The following SNX29 variants were observed in gnomAD, a reference collection of about 807,000 sequenced individuals.
SNX29 encodes sorting nexin 29.
A neutral mutation model predicts 102.1 loss-of-function variants in SNX29; 78 were observed. The ratio of observed to expected loss-of-function variants is 0.76; its 90% CI spans 0.64 to 0.92. The LOEUF (loss-of-function observed/expected upper bound fraction) is 0.92. Among genes scored for constraint, SNX29 ranks in the 40% least tolerant of loss-of-function variants. The pLI is 0.00. For synonymous variants in SNX29, 580 were observed against 414.5 expected (o/e 1.40, Z -4.85); for missense variants, 1,280 against 1,061.7 (o/e 1.21, Z -2.86).
chr16:12,547,475 C>A (rs931912015), intron 20 of SNX29, among the ~76,000 whole-genome samples: 1 of 152,214 alleles, frequency 6.6e-6, no homozygotes, highest in East Asian at 1.9e-4. Flanking sequence ...GGGGTATTCT[C>A]AAAGTAGAAC....
At chr16:12,348,942 CA>C (rs2081911516) in intron 15 of SNX29, among the ~76,000 whole-genome samples, 1 of 152,170 alleles carries the variant, frequency 6.6e-6, no homozygotes, top group Non-Finnish European at 1.5e-5. Context: ...CCCACCCCTC[CA>C]CACTGTCACC....
rs1294175681 is a variant in SNX29 at position 12,570,985 on chromosome 16, T to A, written c.*2356T>A. ...CTGCCTGCTCCTGGTACCTCCCCCA[T>A]GATCATGCACAGACCGTAGAGTCGA... On this transcript the variant is annotated 3_prime_UTR_variant, in exon 21 of 21. Transcript: ENST00000566228. The A allele has an allele frequency of 1.7e-5, 4 of 232,320 alleles. No homozygotes were observed. In the East Asian group the frequency reaches 2.4e-4, roughly 14 times the overall value. The allele number at this position is 232,320 out of a possible 1,614,324, so 14.4% of individuals were successfully genotyped here. A position where few individuals can be genotyped will look rare whatever the true frequency, so the allele number is the denominator to read the frequency against.
At chr16:12,459,743 G>C (rs529902375) in intron 18 of SNX29, among the ~76,000 whole-genome samples, 1 of 152,272 alleles carries the variant, frequency 6.6e-6, no homozygotes, top group East Asian at 1.9e-4. Flanking sequence ...CCTTGGACTT[G>C]GGTGGCTTTC....
intron 16 of SNX29, among the ~76,000 whole-genome samples, chr16:12,380,793 CCACA>C: frequency 1.8e-5 from 2 of 111,630 alleles, no homozygotes; most frequent in African/African-American, 3.1e-5. Flanking sequence ...ACCCATCCAC[CCACA>C]CACCATCCAT....
rs973151757 is a variant in SNX29 at position 12,571,026 on chromosome 16, C to A, written c.*2397C>A. 2.1e-5 allele frequency: 5 copies of A among 232,660 alleles called. No homozygotes were observed. The highest frequency in any genetic ancestry group is 3.4e-5 in the Non-Finnish European group (4 of 117,750). The allele number at this position is 232,660 out of a possible 1,614,324, so 14.4% of individuals were successfully genotyped here. A position where few individuals can be genotyped will look rare whatever the true frequency, so the allele number is the denominator to read the frequency against. On this transcript the variant is annotated 3_prime_UTR_variant, in exon 21 of 21. Transcript: ENST00000566228. ...GTAGAGTCGAGTCATCTCGCAGATC[C>A]AGACCATCTCCTCTCATTCTCACTC... is the stretch of plus-strand genomic sequence containing the variant.
At chr16:12,335,691 G>T (rs2081426058) in intron 15 of SNX29, among the ~76,000 whole-genome samples, 1 of 152,106 alleles carries the variant, frequency 6.6e-6, no homozygotes, top group South Asian at 2.1e-4. Flanking sequence ...GGGGTTTGGG[G>T]GAAGCTGGTG....
At chr16:12,547,596 C>G (rs931723779) in intron 20 of SNX29, among the ~76,000 whole-genome samples, 2 of 152,112 alleles carry the variant, frequency 1.3e-5, no homozygotes, top group African/African-American at 4.8e-5. Context: ...AATACACCCC[C>G]ACGAAGTCAG....
At chr16:12,199,513 C>G in intron 13 of SNX29, 88 bp from the exon 14 acceptor site, 2 of 1,126,630 alleles carry the variant, frequency 1.8e-6, no homozygotes, top group Non-Finnish European at 2.6e-6. Flanking sequence ...TTTCTTTACA[C>G]AAATTCACCA....
intron 15 of SNX29, among the ~76,000 whole-genome samples, chr16:12,297,602 T>TA (rs2080025252): frequency 6.6e-6 from 1 of 152,030 alleles, no homozygotes; most frequent in Non-Finnish European, 1.5e-5. Context: ...ATCACAGAGT[T>TA]AAAAAATGAT....
intron 15 of SNX29, among the ~76,000 whole-genome samples, chr16:12,355,228 A>G (rs898887604): frequency 3.9e-5 from 6 of 152,188 alleles, no homozygotes; most frequent in Admixed American, 3.3e-4. Flanking sequence ...CCCTTCATAC[A>G]ACAACAAAAA....
chr16:12,551,132 C>T (rs2077950306), intron 20 of SNX29, among the ~76,000 whole-genome samples: 1 of 151,994 alleles, frequency 6.6e-6, no homozygotes, highest in South Asian at 2.1e-4. Context: ...AACAGTGGTC[C>T]ACAGCTGCCA....
At chr16:12,450,349 C>G (rs1302256740) in intron 18 of SNX29, among the ~76,000 whole-genome samples, 1 of 152,164 alleles carries the variant, frequency 6.6e-6, no homozygotes, top group Non-Finnish European at 1.5e-5. Context: ...TTTGTTTGGG[C>G]ACATTCTCAA....
At chr16:12,541,255 C>G (rs772013792) in intron 20 of SNX29, among the ~76,000 whole-genome samples, 2 of 152,124 alleles carry the variant, frequency 1.3e-5, no homozygotes, top group Non-Finnish European at 2.9e-5. Context: ...CATATCTTAT[C>G]AGGGAGAGAA....
chr16:12,566,392 C>A (rs1005970182), intron 20 of SNX29, among the ~76,000 whole-genome samples: 1 of 147,054 alleles, frequency 6.8e-6, no homozygotes, highest in South Asian at 2.2e-4. Context: ...CTGGCCTCTC[C>A]CAGGCACTCT....
intron 2 of SNX29, among the ~76,000 whole-genome samples, chr16:12,001,332 C>T (rs1353659452): frequency 1.3e-5 from 2 of 152,062 alleles, no homozygotes; most frequent in South Asian, 2.1e-4. Flanking sequence ...AGGCTGGTCT[C>T]GAACTCCTGA....
chr16:12,468,402 T>C (rs1309197848), intron 18 of SNX29, among the ~76,000 whole-genome samples: 1 of 152,080 alleles, frequency 6.6e-6, no homozygotes, highest in Non-Finnish European at 1.5e-5. Flanking sequence ...CTCAAACTCC[T>C]GACCTCAAGT....
At chr16:12,111,322 G>A (rs1276377594) in intron 11 of SNX29, among the ~76,000 whole-genome samples, 1 of 152,174 alleles carries the variant, frequency 6.6e-6, no homozygotes, top group East Asian at 1.9e-4. Flanking sequence ...CAAAATCCAT[G>A]TTTTTGCTGT....
At chr16:12,263,939 C>G (rs572667852) in intron 14 of SNX29, among the ~76,000 whole-genome samples, 5 of 152,288 alleles carry the variant, frequency 3.3e-5, no homozygotes, top group African/African-American at 1.2e-4. Context: ...AGGTCATGAT[C>G]TGATGTTCTA....
At chr16:12,564,809 G>T (rs1462378264) in intron 20 of SNX29, among the ~76,000 whole-genome samples, 7 of 151,972 alleles carry the variant, frequency 4.6e-5, no homozygotes, top group Admixed American at 1.3e-4. Flanking sequence ...TGTCATTCCA[G>T]AAGTCTCGGT....
Sources: allele counts gnomAD v4.1 joint callset (sites outside exome capture counted in the v4.1 genomes callset), GRCh38; gene constraint gnomAD v4.1.1; transcripts MANE v1.5; gene names NCBI Gene and HGNC (gene_info 2026-07-23, HGNC 2026-07-21).